SH3BP2: variants seen among roughly 807,000 people sequenced by gnomAD.
SH3BP2 encodes the protein SH3 domain-binding protein 2.
In SH3BP2, 38 loss-of-function variants were observed where a neutral mutation model predicts 56.2. The observed-to-expected ratio is 0.68, with a 90% CI of 0.52 to 0.89. The LOEUF is 0.89. SH3BP2 is among the 40% of genes least tolerant of loss of function. The pLI is 0.00. For missense variants in SH3BP2, 748 were observed against 762.6 expected (o/e 0.98, Z 0.23); for synonymous variants, 346 against 316.7 (o/e 1.09, Z -0.98).
chr4:2,796,534 C>T (rs1723068071), intron 1 of SH3BP2: 1 of 919,262 alleles, frequency 1.1e-6, no homozygotes, highest in Non-Finnish European at 1.3e-6. Context: ...CAGCTGGCCT[C>T]TGGGAAGAAT....
chr4:2,826,796 A>G, intron 5 of SH3BP2: 1 of 395,700 alleles, frequency 2.5e-6, no homozygotes, highest in Non-Finnish European at 5.1e-6. Context: ...CTGTGTGTGA[A>G]CATGTGTGCT....
At chr4:2,794,475 CT>C (rs1279238239) in intron 1 of SH3BP2, among the ~76,000 whole-genome samples, 1 of 152,216 alleles carries the variant, frequency 6.6e-6, no homozygotes, top group African/African-American at 2.4e-5. Flanking sequence ...GACAGGAGGC[CT>C]GGGACGAGGG....
chr4:2,823,295 A>G, intron 3 of SH3BP2: 1 of 568,558 alleles, frequency 1.8e-6, no homozygotes, highest in Non-Finnish European at 3.3e-6. Flanking sequence ...AGGCCTGGAC[A>G]GCCTGCTCTC....
Position 2,833,729 on chromosome 4 carries a change from G to A in SH3BP2, c.1581G>A (p.Leu527=). The A allele has an allele frequency of 6.2e-7, 1 of 1,609,912 alleles. No individual in the cohort carries two copies. Among genetic ancestry groups the A allele is most frequent in the Non-Finnish European group, 8.5e-7 (1 of 1,178,208 alleles). ...DSKFYLEGEV[L]FVSVGSMVEH... is the part of the protein sequence containing the mutation. Reference sequence around the variant, plus strand: ...AGTTCTACCTGGAGGGCGAGGTCCTGTTTGTGAGTGTGGGCAGCATGGTGG... The same window carrying A: ...AGTTCTACCTGGAGGGCGAGGTCCTATTTGTGAGTGTGGGCAGCATGGTGG... Residue 527 remains leucine (L), a synonymous_variant, in exon 13 of 13, where the codon CTG becomes CTA. Coordinates refer to ENST00000503393, the MANE Select transcript of SH3BP2 (RefSeq NM_001122681.2).
chr4:2,801,776 GAAC>G (rs1723291382), intron 1 of SH3BP2, among the ~76,000 whole-genome samples: 1 of 152,160 alleles, frequency 6.6e-6, no homozygotes, highest in African/African-American at 2.4e-5. Flanking sequence ...GAGTAAAAAC[GAAC>G]AACATCCGGG....
Position 2,825,289 on chromosome 4 carries a change from T to A in SH3BP2, c.428+93T>A, listed in dbSNP as rs577219835. 1.4e-4 allele frequency: 152 copies of A among 1,059,096 alleles called. 4 individuals are homozygous for A. The South Asian group carries it at 2.0e-3, about 14-fold the overall frequency. The allele number at this position is 1,059,096 out of a possible 1,614,324, so 65.6% of individuals were successfully genotyped here. ...CCGCCTCCCAGCCCCGGGCTTGGCATAGAATTCCGTCCTTAAAGGTTTCCT... is the reference window on the plus strand; with the variant it reads ...CCGCCTCCCAGCCCCGGGCTTGGCAAAGAATTCCGTCCTTAAAGGTTTCCT... On this transcript the variant is annotated intron_variant, in intron 5 of 12. Coordinates refer to ENST00000503393, the MANE Select transcript of SH3BP2 (RefSeq NM_001122681.2).
chr4:2,826,969 G>T (rs766554951), intron 5 of SH3BP2: 10 of 646,492 alleles, frequency 1.5e-5, no homozygotes, highest in Non-Finnish European at 2.3e-5. Flanking sequence ...GTGTGCATTT[G>T]TGTGTTTGTC....
At chr4:2,823,987 A>T (rs529909147) in intron 3 of SH3BP2, among the ~76,000 whole-genome samples, 1 of 152,352 alleles carries the variant, frequency 6.6e-6, no homozygotes, top group South Asian at 2.1e-4. Context: ...TGTGCCAGCC[A>T]TGCCATGAAC....
chr4:2,827,416 C>A lies in SH3BP2; in HGVS notation c.517+98C>A, dbSNP rs1724730025. 5 of 1,311,642 alleles carry A rather than the reference C, an allele frequency of 3.8e-6. No individual in the cohort carries two copies. In the East Asian group the frequency reaches 1.2e-4, roughly 31 times the overall value. The allele number at this position is 1,311,642 out of a possible 1,614,324, so 81.3% of individuals were successfully genotyped here. ...GAGGGAGGTGTGTTCGGCTGTGCTC[C>A]TTGCTCTGGCCCTTTGGCAGTGCGC... On this transcript the variant is annotated intron_variant, in intron 6 of 12. Coordinates refer to ENST00000503393, the MANE Select transcript of SH3BP2 (RefSeq NM_001122681.2).
In SH3BP2 at chr4:2,832,432, G is replaced by T; in HGVS notation, c.1488+20G>T. 1 of 1,594,546 alleles carries T rather than the reference G, an allele frequency of 6.3e-7. No homozygotes were observed. On this transcript the variant is annotated intron_variant, in intron 11 of 12. Coordinates refer to ENST00000503393, the MANE Select transcript of SH3BP2 (RefSeq NM_001122681.2). ...GGGAAGGTAGGCGCCAGGGGAAGAT[G>T]CCCCAGGGCCCCTCTGGCTCTCCAC...
intron 1 of SH3BP2, among the ~76,000 whole-genome samples, chr4:2,805,254 G>C (rs1052470297): frequency 3.3e-5 from 5 of 152,206 alleles, no homozygotes; most frequent in African/African-American, 1.2e-4. Flanking sequence ...GGGTGTCCCG[G>C]CCACAGCTGA....
In SH3BP2 at chr4:2,831,535, T is replaced by G; in HGVS notation, c.1242-36T>G. 6 of 1,504,674 alleles carry G rather than the reference T, an allele frequency of 4.0e-6. No individual in the cohort carries two copies. Among genetic ancestry groups the G allele is most frequent in the Non-Finnish European group, 5.4e-6 (6 of 1,103,828 alleles). 93.2% of individuals were successfully genotyped at this position (1,504,674 alleles called of 1,614,324 possible). On this transcript the variant is annotated intron_variant, in intron 8 of 12. Coordinates refer to ENST00000503393, the MANE Select transcript of SH3BP2 (RefSeq NM_001122681.2). This position sits in a 1 kb window ranked among gnomAD's most constrained non-coding sequence, Gnocchi z 4.1. Reference sequence around the variant, plus strand: ...AGGGTGGCCGCCCCGTGTCTGACAGTGAAATGGTCCTGCCTTCCTCTCCCT... The same window carrying G: ...AGGGTGGCCGCCCCGTGTCTGACAGGGAAATGGTCCTGCCTTCCTCTCCCT...
intron 5 of SH3BP2, among the ~76,000 whole-genome samples, chr4:2,826,065 C>G (rs1260726009): frequency 6.6e-6 from 1 of 152,274 alleles, no homozygotes; most frequent in East Asian, 1.9e-4. Flanking sequence ...CCAAGCTGTT[C>G]AGCCTCGGGC....
chr4:2,823,663 C>T (rs555279074), intron 3 of SH3BP2: 22 of 375,898 alleles, frequency 5.9e-5, no homozygotes, highest in South Asian at 4.2e-4. Flanking sequence ...TGCTGGCACC[C>T]AGCTCTGGTT....
chr4:2,815,856 C>T (rs1723971191), intron 1 of SH3BP2, among the ~76,000 whole-genome samples: 1 of 152,096 alleles, frequency 6.6e-6, no homozygotes, highest in Admixed American at 6.5e-5. Context: ...CTAGTGTGGT[C>T]AGTGTTAGGG....
At chr4:2,813,232 G>A (rs1004686568) in intron 1 of SH3BP2, among the ~76,000 whole-genome samples, 3 of 152,224 alleles carry the variant, frequency 2.0e-5, no homozygotes, top group East Asian at 1.9e-4. Context: ...CACATCCCAC[G>A]CCCACCACCG....
chr4:2,829,608 A>G lies in SH3BP2; in HGVS notation c.702A>G (p.Leu234=), dbSNP rs1197887204. ...TTACCTCCAAGGGCCCCGGTCCCCTACTGCCACCCCCGCCCCCTAAGCACG... is the reference window on the plus strand; with the variant it reads ...TTACCTCCAAGGGCCCCGGTCCCCTGCTGCCACCCCCGCCCCCTAAGCACG... The part of the protein sequence containing the change: ...HSFTSKGPGP[L]LPPPPPKHGL... Residue 234 remains leucine, a synonymous_variant, in exon 8 of 13, where the codon CTA becomes CTG. Coordinates refer to ENST00000503393, the MANE Select transcript of SH3BP2 (RefSeq NM_001122681.2). This position sits in a 1 kb window ranked among gnomAD's most constrained non-coding sequence, Gnocchi z 4.9. 7 of 1,610,078 alleles carry G rather than the reference A, an allele frequency of 4.3e-6. No individual in the cohort carries two copies. In the East Asian group the frequency reaches 1.3e-4, roughly 31 times the overall value.
Position 2,829,796 on chromosome 4 carries a change from T to G in SH3BP2, c.890T>G (p.Phe297Cys). 1 of 1,613,052 alleles carries G rather than the reference T, an allele frequency of 6.2e-7. No individual in the cohort carries two copies. ...TAPGLRKPPC[F>C]RESASPSPEP... Reference sequence around the variant, plus strand: ...CCCGGCCTCCGGAAACCCCCTTGCTTCCGGGAGAGTGCCAGCCCCAGCCCG... The same window carrying G: ...CCCGGCCTCCGGAAACCCCCTTGCTGCCGGGAGAGTGCCAGCCCCAGCCCG... Residue 297 changes from phenylalanine (F) to cysteine (C), a missense_variant, in exon 8 of 13, where the codon TTC becomes TGC. Transcript: ENST00000503393. The surrounding 1 kb of genome is among the most constrained non-coding windows in gnomAD (Gnocchi z 4.9).
chr4:2,817,290 A>G (rs777556499), intron 1 of SH3BP2, among the ~76,000 whole-genome samples: 1 of 151,892 alleles, frequency 6.6e-6, no homozygotes, highest in Non-Finnish European at 1.5e-5. Flanking sequence ...GAGGAGAGGA[A>G]GTGGAGGGGG....
Sources: gnomAD v4.1 joint callset for allele counts (sites outside exome capture counted in the v4.1 genomes callset) on GRCh38, gnomAD v4.1.1 for gene constraint, Gnocchi (gnomAD v3.1) non-coding constraint, MANE v1.5 for transcripts, NCBI Gene and HGNC (gene_info 2026-07-23, HGNC 2026-07-21) for gene names.